The following COL8A1 variants were observed in gnomAD, a reference collection of about 807,000 sequenced individuals.
The protein encoded by COL8A1 is collagen alpha-1(VIII) chain.
A neutral mutation model predicts 42.7 loss-of-function variants in COL8A1; 21 were observed. The observed-to-expected ratio is 0.49, with a 90% CI of 0.35 to 0.71. The LOEUF is 0.71. COL8A1 is among the 30% of genes least tolerant of loss of function. The probability of loss-of-function intolerance (pLI) is 0.01; values close to 1 mark genes in which losing one functional copy is unlikely to be tolerated. For synonymous variants in COL8A1, 367 were observed against 369.1 expected (o/e 0.99, Z 0.06); for missense variants, 788 against 962.4 (o/e 0.82, Z 2.40).
chr3:99,767,348 A>G (rs1390485565), intron 2 of COL8A1, among the ~76,000 whole-genome samples: 1 of 152,206 alleles, frequency 6.6e-6, no homozygotes, highest in Non-Finnish European at 1.5e-5. Flanking sequence ...CTCCAGCCCA[A>G]GTCTTGGAAA....
chr3:99,679,974 C>G (rs1938818512), intron 1 of COL8A1: 2 of 152,092 alleles, frequency 1.3e-5, no homozygotes, highest in Non-Finnish European at 2.9e-5. Flanking sequence ...AATTCTAGGT[C>G]AGCAATTATG....
intron 2 of COL8A1, among the ~76,000 whole-genome samples, chr3:99,749,444 A>G (rs1375697140): frequency 6.6e-6 from 1 of 152,312 alleles, no homozygotes; most frequent in Non-Finnish European, 1.5e-5. Context: ...ACAAGCATCT[A>G]CCTAGAAAAT....
intron 2 of COL8A1, among the ~76,000 whole-genome samples, chr3:99,788,589 C>A (rs937814807): frequency 2.6e-5 from 4 of 152,172 alleles, no homozygotes; most frequent in African/African-American, 9.7e-5. Flanking sequence ...ACTTTCAGAT[C>A]TCTAGTAACT....
In COL8A1 at chr3:99,797,799, G is replaced by A. The variant is rs879584437; in HGVS notation, c.*1663G>A. The A allele has an allele frequency of 6.6e-6, 1 of 152,204 alleles. No individual in the cohort carries two copies. Among genetic ancestry groups the A allele is most frequent in the Non-Finnish European group, 1.5e-5 (1 of 68,030 alleles). The allele number at this position is 152,204 out of a possible 1,614,324, so 9.4% of individuals were successfully genotyped here. A position where few individuals can be genotyped will look rare whatever the true frequency, so the allele number is the denominator to read the frequency against. ...GGCAACAAGAGCCTGTGTTTTTAAT[G>A]TCATCCTGTACTCGGCACAAATCAA... On this transcript the variant is annotated 3_prime_UTR_variant, in exon 4 of 4. Transcript: ENST00000652472.
intron 1 of COL8A1, among the ~76,000 whole-genome samples, chr3:99,698,207 G>A (rs1292405263): frequency 3.3e-5 from 5 of 152,096 alleles, no homozygotes; most frequent in South Asian, 2.1e-4. Flanking sequence ...TTCTTAATCC[G>A]GTCTATCATT....
chr3:99,798,775 A>T lies in COL8A1; in HGVS notation c.*2639A>T, dbSNP rs936777706. ...CATTCTACAATGGTGCTAATCTCAG[A>T]CCTAAATGATACTCCATTTAATTTA... On this transcript the variant is annotated 3_prime_UTR_variant, in exon 4 of 4. Coordinates refer to ENST00000652472, the MANE Select transcript of COL8A1 (RefSeq NM_020351.4). 3 of 152,254 alleles carry T rather than the reference A, an allele frequency of 2.0e-5. No homozygotes were observed. Among genetic ancestry groups the T allele is most frequent in the African/African-American group, 7.2e-5 (3 of 41,462 alleles). 9.4% of individuals were successfully genotyped at this position (152,254 alleles called of 1,614,324 possible).
At chr3:99,716,451 A>G (rs1939998402) in intron 1 of COL8A1, among the ~76,000 whole-genome samples, 1 of 152,092 alleles carries the variant, frequency 6.6e-6, no homozygotes, top group African/African-American at 2.4e-5. Flanking sequence ...CTACCTGAAG[A>G]TAATACATAG....
At chr3:99,771,996 A>G (rs761457171) in intron 2 of COL8A1, among the ~76,000 whole-genome samples, 10 of 152,166 alleles carry the variant, frequency 6.6e-5, no homozygotes, top group African/African-American at 1.7e-4. Flanking sequence ...ATACCTTCCA[A>G]TGTTGGTCTG....
intron 2 of COL8A1, among the ~76,000 whole-genome samples, chr3:99,757,200 TAGAC>T (rs1291438988): frequency 6.6e-6 from 1 of 152,136 alleles, no homozygotes; most frequent in African/African-American, 2.4e-5. Flanking sequence ...AAAAATAAAT[TAGAC>T]AGGAATCTTT....
At chr3:99,690,605 G>C (rs911206587) in intron 1 of COL8A1, among the ~76,000 whole-genome samples, 1 of 152,188 alleles carries the variant, frequency 6.6e-6, no homozygotes, top group East Asian at 1.9e-4. Flanking sequence ...GAACATGAAA[G>C]ACAATGTGGC....
At chr3:99,745,458 C>A (rs1389556335) in intron 2 of COL8A1, among the ~76,000 whole-genome samples, 2 of 152,074 alleles carry the variant, frequency 1.3e-5, no homozygotes, top group Admixed American at 6.6e-5. Context: ...AATTCCAGTG[C>A]AAATGGGAAA....
Position 99,638,604 on chromosome 3 carries a change from C to G in COL8A1, c.-189C>G, listed in dbSNP as rs930999177. ...CATGTTACCAGCAGCGGATCACAGC[C>G]CTTCCCCGATCCTCTCCGTGGGAGC... is the stretch of plus-strand genomic sequence containing the variant. On this transcript the variant is annotated 5_prime_UTR_variant, in exon 1 of 4. Coordinates refer to ENST00000652472, the MANE Select transcript of COL8A1 (RefSeq NM_020351.4). 1.3e-5 allele frequency: 2 copies of G among 152,566 alleles called. No individual in the cohort carries two copies. Among genetic ancestry groups the G allele is most frequent in the Non-Finnish European group, 2.9e-5 (2 of 68,472 alleles). The allele number at this position is 152,566 out of a possible 1,614,324, so 9.5% of individuals were successfully genotyped here.
At chr3:99,705,716 C>A (rs2107351298) in intron 1 of COL8A1, among the ~76,000 whole-genome samples, 1 of 152,202 alleles carries the variant, frequency 6.6e-6, no homozygotes, top group Non-Finnish European at 1.5e-5. Context: ...CAAAAGTTCA[C>A]TGATTTATAA....
intron 2 of COL8A1, among the ~76,000 whole-genome samples, chr3:99,762,726 T>A (rs541049914): frequency 9.9e-5 from 15 of 152,218 alleles, no homozygotes; most frequent in Non-Finnish European, 1.9e-4. Context: ...CAAAAGCCTG[T>A]GCAGACACTG....
At chr3:99,723,799 A>AT (rs1940225247) in intron 1 of COL8A1, among the ~76,000 whole-genome samples, 1 of 152,172 alleles carries the variant, frequency 6.6e-6, no homozygotes, top group South Asian at 2.1e-4. Context: ...AAGGAGCAGA[A>AT]TGATTATCCC....
At chr3:99,730,743 AGTG>A (rs1386596948) in intron 1 of COL8A1, among the ~76,000 whole-genome samples, 2 of 152,162 alleles carry the variant, frequency 1.3e-5, no homozygotes, top group Non-Finnish European at 2.9e-5. Flanking sequence ...GAGCCTGTTG[AGTG>A]GTGGTACAGT....
intron 1 of COL8A1, among the ~76,000 whole-genome samples, chr3:99,648,615 C>G (rs542913845): frequency 6.6e-6 from 1 of 152,052 alleles, no homozygotes; most frequent in Non-Finnish European, 1.5e-5. Flanking sequence ...AAAAGTTAGT[C>G]CATAAACTCT....
In COL8A1 at chr3:99,794,222, C is replaced by G. The variant is rs376847129; in HGVS notation, c.329-8C>G. 2 of 1,542,102 alleles carry G rather than the reference C, an allele frequency of 1.3e-6. No individual in the cohort carries two copies. The highest frequency in any genetic ancestry group is 2.8e-5 in the African/African-American group (2 of 72,388). The stretch of plus-strand genomic sequence containing the variant: ...CCATACCCCTTCTCTCTCTTCTCTT[C>G]CCAGTAGAAATACCATTAGCCAGTT... On this transcript the variant is annotated splice_region_variant and splice_polypyrimidine_tract_variant and intron_variant, in intron 3 of 3. Transcript: ENST00000652472. The surrounding 1 kb of genome is among the most constrained non-coding windows in gnomAD (Gnocchi z 4.3).
chr3:99,750,456 G>A (rs1484878060), intron 2 of COL8A1, among the ~76,000 whole-genome samples: 1 of 151,950 alleles, frequency 6.6e-6, no homozygotes, highest in Non-Finnish European at 1.5e-5. Context: ...GTGCCCTCAT[G>A]TATACTCTTT....
Sources: gnomAD v4.1 joint callset for allele counts (sites outside exome capture counted in the v4.1 genomes callset) on GRCh38, gnomAD v4.1.1 for gene constraint, Gnocchi (gnomAD v3.1) non-coding constraint, MANE v1.5 for transcripts, NCBI Gene and HGNC (gene_info 2026-07-23, HGNC 2026-07-21) for gene names.